Variants in GSK3B observed in about 807,000 individuals in gnomAD.
GSK3B encodes glycogen synthase kinase 3 beta.
A neutral mutation model predicts 56.4 loss-of-function variants in GSK3B; 15 were observed. That is an observed-to-expected ratio of 0.27 (90% CI 0.18 to 0.41). The LOEUF is 0.41. Ranked by LOEUF, GSK3B falls within the 10% of genes least tolerant of loss-of-function variation. The probability of loss-of-function intolerance (pLI) is 1.00; values close to 1 mark genes in which losing one functional copy is unlikely to be tolerated. For synonymous variants in GSK3B, 181 were observed against 188.9 expected (o/e 0.96, Z 0.34); for missense variants, 300 against 513.4 (o/e 0.58, Z 4.02).
chr3:119,923,440 T>G lies in GSK3B; in HGVS notation c.410A>C (p.Glu137Ala). Residue 137 changes from glutamate to alanine, a missense_variant, in exon 4 of 11, where the codon GAA becomes GCA. Physicochemically the swap from Glu to Ala is moderately radical, Grantham distance 107. Around this residue, in one of 6 missense-constraint regions of GSK3B, gnomAD observed 62 missense variants for 84.0 expected, o/e 0.74. Coordinates refer to ENST00000264235, the MANE Select transcript of GSK3B (RefSeq NM_001146156.2). ...YLNLVLDYVP[E>A]TVYRVARHYS... ...GTGTCTGGCAACTCTGTATACTGTT[T>G]CCGGAACATAGTCCAGCACCAGATT... is the stretch of plus-strand genomic sequence containing the variant. 6.2e-7 allele frequency: 1 copy of G among 1,605,154 alleles called. No homozygotes were observed. Among genetic ancestry groups the G allele is most frequent in the South Asian group, 1.1e-5 (1 of 90,310 alleles).
chr3:119,899,532 A>G (rs966571937), intron 7 of GSK3B, among the ~76,000 whole-genome samples: 3 of 152,146 alleles, frequency 2.0e-5, no homozygotes, highest in Non-Finnish European at 4.4e-5. Context: ...AATATTGGAA[A>G]ACGTAGAACT....
At chr3:120,010,652 T>C (rs1174099472) in intron 1 of GSK3B, among the ~76,000 whole-genome samples, 1 of 152,174 alleles carries the variant, frequency 6.6e-6, no homozygotes, top group Non-Finnish European at 1.5e-5. Flanking sequence ...AATAAACTAA[T>C]ATAGATTTTA....
chr3:119,926,846 A>G (rs1042010067), intron 3 of GSK3B, among the ~76,000 whole-genome samples: 2 of 152,182 alleles, frequency 1.3e-5, no homozygotes, highest in Non-Finnish European at 2.9e-5. Flanking sequence ...AATCTTTGGT[A>G]AAAGTGTTAC....
intron 2 of GSK3B, among the ~76,000 whole-genome samples, chr3:119,952,473 G>A (rs1275913447): frequency 7.5e-5 from 10 of 133,404 alleles, no homozygotes; most frequent in Non-Finnish European, 1.2e-4. Flanking sequence ...GGCTGACAGA[G>A]AGAGACTCTG....
intron 1 of GSK3B, among the ~76,000 whole-genome samples, chr3:120,004,030 T>G (rs2057702236): frequency 6.6e-6 from 1 of 152,210 alleles, no homozygotes; most frequent in Non-Finnish European, 1.5e-5. Context: ...GGAGGAGCGA[T>G]ACACTCCTGC....
intron 7 of GSK3B, among the ~76,000 whole-genome samples, chr3:119,905,035 AACTC>A: frequency 6.6e-6 from 1 of 151,742 alleles, no homozygotes; most frequent in Admixed American, 6.5e-5. Flanking sequence ...TACATTTAAA[AACTC>A]AATTAAAATC....
intron 1 of GSK3B, among the ~76,000 whole-genome samples, chr3:120,062,219 T>C (rs1402994161): frequency 6.6e-6 from 1 of 152,220 alleles, no homozygotes. Flanking sequence ...TTCATGTGAA[T>C]TCATTGCCAA....
chr3:119,971,924 T>G (rs1433724188), intron 2 of GSK3B, among the ~76,000 whole-genome samples: 2 of 152,182 alleles, frequency 1.3e-5, no homozygotes, highest in Admixed American at 1.3e-4. Context: ...AATAAAATTT[T>G]TATAAGGCAA....
Position 119,826,895 on chromosome 3 carries a change from C to T in GSK3B, c.1196-40G>A, listed in dbSNP as rs187284779. ...GTCCCAAGAGAGAGCATGAGCAATGCTATAACAACAAAAGAGAACAAGTAC... is the reference window on the plus strand; with the variant it reads ...GTCCCAAGAGAGAGCATGAGCAATGTTATAACAACAAAAGAGAACAAGTAC... On this transcript the variant is annotated intron_variant, in intron 10 of 10. Transcript: ENST00000264235. The T allele has an allele frequency of 3.3e-4, 413 of 1,241,586 alleles. No homozygotes were observed. In the African/African-American group the frequency reaches 4.4e-3, roughly 13 times the overall value. 76.9% of individuals were successfully genotyped at this position (1,241,586 alleles called of 1,614,324 possible). A position where few individuals can be genotyped will look rare whatever the true frequency, so the allele number is the denominator to read the frequency against.
intron 9 of GSK3B, among the ~76,000 whole-genome samples, chr3:119,861,965 C>T (rs2056109580): frequency 6.6e-6 from 1 of 152,078 alleles, no homozygotes; most frequent in Admixed American, 6.5e-5. Flanking sequence ...TGTATCTATA[C>T]ACATTACATC....
At chr3:120,073,219 T>TAAAAA (rs972347264) in intron 1 of GSK3B, among the ~76,000 whole-genome samples, 2 of 70,614 alleles carry the variant, frequency 2.8e-5, no homozygotes, top group Non-Finnish European at 5.6e-5. Context: ...CAAAAAAAAT[T>TAAAAA]AAAAAAAAAA....
At position 119,881,430 on chromosome 3, in the gene GSK3B, A is replaced by G. The variant is rs114837617; in HGVS notation, c.814-4922T>C. 1.0e-3 allele frequency among the ~76,000 whole-genome samples: 157 copies of G among 152,194 alleles called. 1 individual carries two copies. The highest frequency in any genetic ancestry group is 3.6e-3 in the African/African-American group (151 of 41,536). On this transcript the variant is annotated intron_variant, in intron 7 of 10. Transcript: ENST00000264235. ...TCTTAATATGAGTTGTAGTTACATG[A>G]ATATTTACTATTGTACTTAAAACAA... is the stretch of plus-strand genomic sequence containing the variant.
At position 120,044,447 on chromosome 3, in the gene GSK3B, G is replaced by A. The variant is rs554214229; in HGVS notation, c.89-42208C>T. 3.3e-5 allele frequency among the ~76,000 whole-genome samples: 5 copies of A among 151,980 alleles called. No homozygotes were observed. The South Asian group carries it at 8.3e-4, about 25-fold the overall frequency. On this transcript the variant is annotated intron_variant, in intron 1 of 10. Coordinates refer to ENST00000264235, the MANE Select transcript of GSK3B (RefSeq NM_001146156.2). ...GCAGCACTTGCTCTCTTGTCCAGTT[G>A]GCTATCCCTTTCACCCTGGCATTTC...
chr3:119,904,516 A>G (rs1052978290), intron 7 of GSK3B, among the ~76,000 whole-genome samples: 2 of 152,206 alleles, frequency 1.3e-5, no homozygotes, highest in African/African-American at 4.8e-5. Flanking sequence ...AGTCTTTTCA[A>G]CCATACTTGC....
At chr3:120,077,630 G>C (rs1553754276) in intron 1 of GSK3B, among the ~76,000 whole-genome samples, 1 of 151,388 alleles carries the variant, frequency 6.6e-6, no homozygotes, top group Non-Finnish European at 1.5e-5. Flanking sequence ...GAGTTGAGTA[G>C]ATTACAGTTG....
chr3:119,860,553 ATACTAAT>A (rs1262642430), intron 9 of GSK3B, among the ~76,000 whole-genome samples: 22 of 152,222 alleles, frequency 1.4e-4, no homozygotes, highest in Admixed American at 7.9e-4. Flanking sequence ...CATGAAAGTA[ATACTAAT>A]TACTGTTTAT....
At chr3:120,004,417 T>C (rs560000387) in intron 1 of GSK3B, among the ~76,000 whole-genome samples, 5 of 152,294 alleles carry the variant, frequency 3.3e-5, no homozygotes, top group Admixed American at 2.0e-4. Flanking sequence ...CAGCAATGGT[T>C]CTCCCAGCAT....
At chr3:119,906,577 A>G (rs1223737908) in intron 6 of GSK3B, among the ~76,000 whole-genome samples, 1 of 152,082 alleles carries the variant, frequency 6.6e-6, no homozygotes, top group East Asian at 1.9e-4. Context: ...GTCCTGGGAT[A>G]ATTATTAGTA....
intron 2 of GSK3B, among the ~76,000 whole-genome samples, chr3:119,983,998 C>T (rs944569734): frequency 3.9e-5 from 6 of 152,192 alleles, no homozygotes; most frequent in African/African-American, 1.4e-4. Context: ...GAAAGCACAA[C>T]AAACTGTCTC....
Sources: allele counts gnomAD v4.1 joint callset (sites outside exome capture counted in the v4.1 genomes callset), GRCh38; gene constraint gnomAD v4.1.1; regional missense constraint gnomAD v4.1.1; transcripts MANE v1.5; gene names NCBI Gene and HGNC (gene_info 2026-07-23, HGNC 2026-07-21).